KDM2B: variants seen among roughly 807,000 people sequenced by gnomAD.
KDM2B encodes the protein lysine-specific demethylase 2B.
Under a neutral mutation model 150.0 loss-of-function variants are expected in KDM2B, and 26 were observed. The ratio of observed to expected loss-of-function variants is 0.17; its 90% CI spans 0.13 to 0.24. The LOEUF (loss-of-function observed/expected upper bound fraction) is 0.24. KDM2B is among the 10% of genes least tolerant of loss of function. The pLI is 1.00. For missense variants in KDM2B, 1,265 were observed against 1,816.9 expected (o/e 0.70, Z 5.52); for synonymous variants, 734 against 729.5 (o/e 1.01, Z -0.10).
rs138022475 is a variant in KDM2B, at chr12:121,577,840, A to T, written c.271+962T>A. Among the ~76,000 whole-genome samples, 579 of 152,276 alleles carry T rather than the reference A, an allele frequency of 3.8e-3. 1 individual carries two copies. The highest frequency in any genetic ancestry group is 0.013 in the African/African-American group (544 of 41,570). On this transcript the variant is annotated intron_variant, in intron 2 of 22. Transcript: ENST00000377071. ...ACTAGGTTCCTCAACCAGGAGCCAC[A>T]CTGGCTGCAGGCTGGGAAGGCCAGG...
intron 4 of KDM2B, among the ~76,000 whole-genome samples, chr12:121,550,962 C>T (rs902054141): frequency 2.0e-5 from 3 of 152,152 alleles, no homozygotes; most frequent in African/African-American, 7.2e-5. Context: ...CCACGGTCAT[C>T]GGTTCACATA....
intron 2 of KDM2B, among the ~76,000 whole-genome samples, chr12:121,577,778 G>C (rs1173232797): frequency 6.6e-6 from 1 of 152,102 alleles, no homozygotes; most frequent in Non-Finnish European, 1.5e-5. Flanking sequence ...GGGAAGGCTA[G>C]GTAGGGCATG....
At chr12:121,438,594 G>T (rs1182412565) in intron 22 of KDM2B, among the ~76,000 whole-genome samples, 4 of 152,062 alleles carry the variant, frequency 2.6e-5, no homozygotes, top group African/African-American at 9.7e-5. Context: ...CCACGAGGTG[G>T]AACAATCCCT....
chr12:121,437,967 A>G (rs1555287198), intron 22 of KDM2B, among the ~76,000 whole-genome samples: 1 of 152,000 alleles, frequency 6.6e-6, no homozygotes, highest in African/African-American at 2.4e-5. Context: ...CTTAACAAGA[A>G]TGCAGGCCAG....
the KDM2B span, among the ~76,000 whole-genome samples, chr12:121,408,978 CTT>C: frequency 6.8e-6 from 1 of 146,524 alleles, no homozygotes; most frequent in African/African-American, 2.5e-5. Context: ...GTGACCCTTT[CTT>C]TTTTTTTTTG....
At chr12:121,439,684 G>A (rs11065576) in intron 22 of KDM2B, among the ~76,000 whole-genome samples, 173 bp downstream of exon 22, 51,256 of 152,036 alleles carry the variant, frequency 0.34, 9,499 homozygotes, top group East Asian at 0.44. Flanking sequence ...CCGGCCAACA[G>A]TAACTCTTTG....
intron 9 of KDM2B, among the ~76,000 whole-genome samples, chr12:121,515,035 TAATCACACTCCCCACCCCC>T (rs1885964923): frequency 2.1e-5 from 2 of 95,446 alleles, no homozygotes; most frequent in Non-Finnish European, 4.3e-5. Context: ...CCACCCCCTC[TAATCACACTCCCCACCCCC>T]AATCACACTC....
At position 121,520,997 on chromosome 12, in the gene KDM2B, C is replaced by T. The variant is rs1211965380; in HGVS notation, c.1035G>A (p.Glu345=). The change falls in exon 9 of 23, where the codon GAG becomes GAA. Residue 345 remains glutamate (E), a synonymous_variant. Transcript: ENST00000377071. The surrounding 1 kb of genome is among the most constrained non-coding windows in gnomAD (Gnocchi z 4.5). ...GGAACCTCCTTACCCGCGTCCTGTC[C>T]TCGATCTCGTAGATCCGCAGCTGCA... ...VPMQLRIYEI[E]DRTRVQPKFR... is the part of the protein sequence containing the mutation. 3 of 1,613,910 alleles carry T rather than the reference C, an allele frequency of 1.9e-6. No individual in the cohort carries two copies. The highest frequency in any genetic ancestry group is 2.5e-6 in the Non-Finnish European group (3 of 1,179,868).
At chr12:121,436,720 C>CT in intron 22 of KDM2B, among the ~76,000 whole-genome samples, 1 of 152,210 alleles carries the variant, frequency 6.6e-6, no homozygotes, top group Non-Finnish European at 1.5e-5. Flanking sequence ...TGAACGGCTT[C>CT]TGTGAGTGTT....
chr12:121,457,988 TAAAGG>T lies in KDM2B; in HGVS notation c.1735-4649_1735-4645del, dbSNP rs1262635958. ...TAAAATTACTTAGATTAACCTAAAT[TAAAGG>T]AAAGACATCCGTGTTCATGAATTGG... On this transcript the variant is annotated intron_variant, in intron 12 of 22. Coordinates refer to ENST00000377071, the MANE Select transcript of KDM2B (RefSeq NM_032590.5). Among the ~76,000 whole-genome samples, 39 of 152,262 alleles carry T rather than the reference TAAAGG, an allele frequency of 2.6e-4. No individual in the cohort carries two copies. In the East Asian group the frequency reaches 7.5e-3, roughly 29 times the overall value.
At chr12:121,530,262 T>C (rs2141439000) in intron 8 of KDM2B, among the ~76,000 whole-genome samples, 1 of 150,552 alleles carries the variant, frequency 6.6e-6, no homozygotes, top group African/African-American at 2.4e-5. Context: ...CTAATCTAGG[T>C]CAGTGGACCC....
chr12:121,506,733 T>C (rs1593985254), intron 11 of KDM2B, among the ~76,000 whole-genome samples: 2 of 150,372 alleles, frequency 1.3e-5, no homozygotes, highest in Non-Finnish European at 3.0e-5. Context: ...AGGTAGGGAG[T>C]TCAAGACCAG....
At chr12:121,532,284 C>A (rs1212731406) in intron 8 of KDM2B, among the ~76,000 whole-genome samples, 2 of 152,124 alleles carry the variant, frequency 1.3e-5, no homozygotes, top group African/African-American at 4.8e-5. Flanking sequence ...AGTGACTGAG[C>A]CAGGAACCAG....
chr12:121,438,883 C>A (rs1245904666), intron 22 of KDM2B, among the ~76,000 whole-genome samples: 3 of 150,924 alleles, frequency 2.0e-5, no homozygotes, highest in Non-Finnish European at 4.4e-5. Context: ...TTTGCTCTCA[C>A]GCAAACCCAA....
intron 12 of KDM2B, among the ~76,000 whole-genome samples, chr12:121,454,740 C>G (rs1877955865): frequency 6.6e-6 from 1 of 152,252 alleles, no homozygotes; most frequent in South Asian, 2.1e-4. Flanking sequence ...AACTGAACAC[C>G]CTTTGGTCCA....
intron 6 of KDM2B, among the ~76,000 whole-genome samples, chr12:121,546,433 A>C (rs1555310684): frequency 8.6e-6 from 1 of 116,716 alleles, no homozygotes; most frequent in African/African-American, 3.4e-5. Flanking sequence ...CCCAGGCTGG[A>C]GTGCAGTGGC....
intron 12 of KDM2B, among the ~76,000 whole-genome samples, chr12:121,481,331 T>C (rs1882111219): frequency 6.6e-6 from 1 of 152,166 alleles, no homozygotes; most frequent in African/African-American, 2.4e-5. Flanking sequence ...CTACTTTCTT[T>C]TTGTGTAATT....
At chr12:121,509,246 T>C (rs1450343923) in intron 11 of KDM2B, among the ~76,000 whole-genome samples, 3 of 151,712 alleles carry the variant, frequency 2.0e-5, no homozygotes, top group Non-Finnish European at 2.9e-5. Flanking sequence ...TTTTTTTTAG[T>C]AGAGACGGGG....
chr12:121,500,668 C>A (rs1884453252), intron 11 of KDM2B, among the ~76,000 whole-genome samples: 1 of 152,244 alleles, frequency 6.6e-6, no homozygotes, highest in Non-Finnish European at 1.5e-5. Flanking sequence ...GGAACCAGCA[C>A]CCTCCGGGGT....
Sources: allele counts gnomAD v4.1 joint callset (sites outside exome capture counted in the v4.1 genomes callset), GRCh38; gene constraint gnomAD v4.1.1; non-coding constraint Gnocchi (gnomAD v3.1); transcripts MANE v1.5; gene names NCBI Gene and HGNC (gene_info 2026-07-23, HGNC 2026-07-21).